The following ANKRD44 variants were observed in gnomAD, a reference collection of about 807,000 sequenced individuals.
ANKRD44 encodes serine/threonine-protein phosphatase 6 regulatory ankyrin repeat subunit B.
In ANKRD44, 35 loss-of-function variants were observed where a neutral mutation model predicts 116.0. The ratio of observed to expected loss-of-function variants is 0.30; its 90% CI spans 0.23 to 0.40. The LOEUF is 0.40. ANKRD44 is among the 10% of genes least tolerant of loss of function. ANKRD44 has a pLI of 1.00. For synonymous variants in ANKRD44, 435 were observed against 461.8 expected (o/e 0.94, Z 0.74); for missense variants, 1,014 against 1,242.6 (o/e 0.82, Z 2.77).
intron 1 of ANKRD44, among the ~76,000 whole-genome samples, chr2:197,301,620 C>A (rs1305435725): frequency 6.6e-6 from 1 of 152,170 alleles, no homozygotes; most frequent in Non-Finnish European, 1.5e-5. Context: ...AAAATGAAAG[C>A]TGTTTATAGA....
At chr2:197,262,732 T>C (rs974050895) in intron 1 of ANKRD44, among the ~76,000 whole-genome samples, 1 of 152,008 alleles carries the variant, frequency 6.6e-6, no homozygotes, top group Non-Finnish European at 1.5e-5. Context: ...GGTGAAACCC[T>C]GTCTCTAATA....
chr2:197,139,845 C>T (rs2079313838), intron 3 of ANKRD44, among the ~76,000 whole-genome samples: 1 of 121,880 alleles, frequency 8.2e-6, no homozygotes, highest in South Asian at 2.8e-4. Flanking sequence ...GACTAAGCTG[C>T]TTTTGTGTGT....
chr2:197,228,530 C>T (rs979099732), intron 1 of ANKRD44, among the ~76,000 whole-genome samples: 6 of 152,212 alleles, frequency 3.9e-5, no homozygotes, highest in Non-Finnish European at 7.3e-5. Context: ...TAGTTAACCA[C>T]CCTCACATTT....
intron 2 of ANKRD44, among the ~76,000 whole-genome samples, chr2:197,179,314 ATTTT>A (rs2080447227): frequency 6.6e-6 from 1 of 152,158 alleles, no homozygotes; most frequent in South Asian, 2.1e-4. Flanking sequence ...GTTTAGAATT[ATTTT>A]GTCAAGTTTC....
chr2:197,151,921 T>C (rs540754950), intron 2 of ANKRD44, among the ~76,000 whole-genome samples: 56 of 152,256 alleles, frequency 3.7e-4, no homozygotes, highest in Non-Finnish European at 7.1e-4. Flanking sequence ...CGAACTGGCC[T>C]GTGCAGTAAG....
intron 16 of ANKRD44, among the ~76,000 whole-genome samples, chr2:197,043,544 C>T (rs1417300937): frequency 6.6e-6 from 1 of 152,118 alleles, no homozygotes; most frequent in African/African-American, 2.4e-5. Context: ...TACTTTCTTA[C>T]ACCCTAAAAA....
chr2:196,980,131 C>T (rs749100801), intron 21 of ANKRD44, among the ~76,000 whole-genome samples: 30 of 152,274 alleles, frequency 2.0e-4, no homozygotes, highest in Non-Finnish European at 4.3e-4. Flanking sequence ...CTAGTGTTAG[C>T]TGTAACATCA....
At chr2:197,199,894 C>A (rs1212283287) in intron 1 of ANKRD44, among the ~76,000 whole-genome samples, 1 of 152,150 alleles carries the variant, frequency 6.6e-6, no homozygotes, top group African/African-American at 2.4e-5. Flanking sequence ...AATTATTCCC[C>A]TTCGAATGGG....
At chr2:197,208,961 C>T (rs2125689048) in intron 1 of ANKRD44, among the ~76,000 whole-genome samples, 1 of 152,272 alleles carries the variant, frequency 6.6e-6, no homozygotes, top group South Asian at 2.1e-4. Context: ...TAGTGTGATT[C>T]ATCCATTAGG....
chr2:197,182,594 G>A (rs1350978164), intron 2 of ANKRD44, among the ~76,000 whole-genome samples: 1 of 152,192 alleles, frequency 6.6e-6, no homozygotes, highest in African/African-American at 2.4e-5. Flanking sequence ...TAGTGACCAT[G>A]TCATCAAGCA....
intron 1 of ANKRD44, among the ~76,000 whole-genome samples, chr2:197,246,648 G>C (rs1263987881): frequency 1.3e-5 from 2 of 151,956 alleles, no homozygotes; most frequent in Non-Finnish European, 2.9e-5. Context: ...ACCTTACCCT[G>C]TGTTGCTGCT....
chr2:197,126,083 T>C (rs2078968461), intron 4 of ANKRD44, 46 bp from the exon 5 acceptor site: 1 of 1,596,774 alleles, frequency 6.3e-7, no homozygotes, highest in South Asian at 1.1e-5. Context: ...AGACGTTCAA[T>C]CAATACTTAC....
chr2:197,083,340 A>G (rs2077841586), intron 14 of ANKRD44, 29 bp downstream of exon 14: 3 of 1,601,508 alleles, frequency 1.9e-6, no homozygotes, highest in Non-Finnish European at 1.7e-6. Flanking sequence ...CCCTGTTCCC[A>G]GAGGAAGCAT....
intron 1 of ANKRD44, chr2:197,263,684 G>GA (rs199811078): frequency 0.012 from 1,897 of 154,408 alleles, 38 homozygotes; most frequent in African/African-American, 0.041. Flanking sequence ...ATAAGAAAAA[G>GA]AAAAAAAAAG....
chr2:197,301,870 G>C (rs1400229939), intron 1 of ANKRD44, among the ~76,000 whole-genome samples: 2 of 152,280 alleles, frequency 1.3e-5, no homozygotes, highest in East Asian at 3.9e-4. Flanking sequence ...TTTTAAAATG[G>C]GGGGAGTCAA....
chr2:197,229,958 C>T (rs1210323061), intron 1 of ANKRD44, among the ~76,000 whole-genome samples: 1 of 152,016 alleles, frequency 6.6e-6, no homozygotes, highest in African/African-American at 2.4e-5. Context: ...ATAAAACTGT[C>T]AAACATGTTG....
At chr2:197,124,702 G>A (rs144406197) in intron 6 of ANKRD44, among the ~76,000 whole-genome samples, 1 of 152,300 alleles carries the variant, frequency 6.6e-6, no homozygotes, top group African/African-American at 2.4e-5. Flanking sequence ...ATGGCAGGAT[G>A]TTCTCCAATT....
intron 17 of ANKRD44, among the ~76,000 whole-genome samples, chr2:197,017,214 CAG>C (rs1349194300): frequency 6.6e-6 from 1 of 152,086 alleles, no homozygotes; most frequent in East Asian, 1.9e-4. Context: ...AAGTTGCAAA[CAG>C]TACTTAAAGC....
intron 1 of ANKRD44, among the ~76,000 whole-genome samples, chr2:197,269,881 G>C (rs527740331): frequency 2.4e-4 from 37 of 152,296 alleles, no homozygotes; most frequent in Middle Eastern, 3.4e-3. Flanking sequence ...AGAAGACTGA[G>C]GAGAGACATC....
Sources: allele counts gnomAD v4.1 joint callset (sites outside exome capture counted in the v4.1 genomes callset), GRCh38; gene constraint gnomAD v4.1.1; transcripts MANE v1.5; gene names NCBI Gene and HGNC (gene_info 2026-07-23, HGNC 2026-07-21).